The following FGD4 variants were observed in gnomAD, a reference collection of about 807,000 sequenced individuals.
FGD4 encodes FYVE, RhoGEF and PH domain-containing protein 4.
Under a neutral mutation model 102.0 loss-of-function variants are expected in FGD4, and 42 were observed. The ratio of observed to expected loss-of-function variants is 0.41; its 90% confidence interval spans 0.32 to 0.53. FGD4 has a LOEUF of 0.53. FGD4 is among the 20% of genes least tolerant of loss of function. FGD4 has a pLI of 0.21. For synonymous variants in FGD4, 380 were observed against 375.7 expected, an observed-to-expected ratio of 1.01 and a Z score of -0.13; for missense variants, 902 against 1,078.2, an observed-to-expected ratio of 0.84 and a Z score of 2.29.
chr12:32,520,584 C>T (rs896127263), intron 1 of FGD4, among the ~76,000 whole-genome samples: 3 of 151,864 alleles, frequency 2.0e-5, no homozygotes, highest in Admixed American at 1.3e-4. Context: ...GACAGGTGCC[C>T]ACCACCACGC....
At chr12:32,628,899 T>C (rs1419499733) in intron 14 of FGD4, among the ~76,000 whole-genome samples, 1 of 152,152 alleles carries the variant, frequency 6.6e-6, no homozygotes. Context: ...TGACATGAAG[T>C]GAATTCTACT....
At chr12:32,458,567 T>A (rs947889918) in intron 1 of FGD4, among the ~76,000 whole-genome samples, 2 of 152,168 alleles carry the variant, frequency 1.3e-5, no homozygotes, top group Non-Finnish European at 2.9e-5. Flanking sequence ...AGCTGGTAAA[T>A]CAATATTTTA....
intron 9 of FGD4, 77 bp from the exon 10 acceptor site, chr12:32,611,060 T>C: frequency 6.4e-7 from 1 of 1,550,996 alleles, no homozygotes; most frequent in Non-Finnish European, 8.9e-7. Flanking sequence ...ATTTAGATTT[T>C]AGTTAAGGTC....
At chr12:32,427,716 TAAGAAC>T (rs1240179120) in intron 1 of FGD4, among the ~76,000 whole-genome samples, 2 of 152,208 alleles carry the variant, frequency 1.3e-5, no homozygotes, top group Non-Finnish European at 2.9e-5. Flanking sequence ...TGTAGGTCGC[TAAGAAC>T]TTGCTTTATG....
At position 32,582,159 on chromosome 12, in the gene FGD4, A is replaced by C. The variant is rs1946666408; in HGVS notation, c.703A>C (p.Asn235His). The C allele has an allele frequency of 6.2e-7, 1 of 1,614,224 alleles. No individual in the cohort carries two copies. Among genetic ancestry groups the C allele is most frequent in the Middle Eastern group, 1.6e-4 (1 of 6,062 alleles). ...GGCCAACGGTGTAATGGCAGCACAA[A>C]ACCAGATGGAATGTGAGGAGGAGAA... is the stretch of plus-strand genomic sequence containing the variant. ...CVANGVMAAQ[N>H]QMECEEEKAA... The change falls in exon 4 of 17, where the codon AAC becomes CAC. Residue 235 changes from asparagine (N) to histidine (H), a missense_variant. By Grantham distance (68) the Asn-to-His change is moderately conservative (BLOSUM62 1). Coordinates refer to ENST00000534526, the MANE Select transcript of FGD4 (RefSeq NM_001370298.3).
At chr12:32,500,399 TTTA>T (rs1938118847) in intron 1 of FGD4, among the ~76,000 whole-genome samples, 1 of 44,880 alleles carries the variant, frequency 2.2e-5, no homozygotes, top group African/African-American at 1.2e-4. Context: ...TTATTTTTAT[TTTA>T]TTTTATTTTA....
intron 11 of FGD4, among the ~76,000 whole-genome samples, chr12:32,622,642 GAGTGCAAT>G (rs1949913340): frequency 1.3e-5 from 2 of 152,120 alleles, no homozygotes; most frequent in Non-Finnish European, 2.9e-5. Context: ...ACCCAGGCTG[GAGTGCAAT>G]AGCACGATCT....
At chr12:32,453,235 ATATTTTT>A (rs1315206941) in intron 1 of FGD4, among the ~76,000 whole-genome samples, 983 of 49,726 alleles carry the variant, frequency 0.02, 25 homozygotes, top group Middle Eastern at 0.029. Context: ...AGATATATAT[ATATTTTT>A]TTTTTTTTAA....
intron 1 of FGD4, among the ~76,000 whole-genome samples, chr12:32,466,867 CAAAAAAAAA>C (rs35375727): frequency 1.6e-5 from 1 of 62,788 alleles, no homozygotes; most frequent in South Asian, 6.1e-4. Context: ...GAGTCTGTCT[CAAAAAAAAA>C]AAAAAAAAAA....
intron 11 of FGD4, among the ~76,000 whole-genome samples, chr12:32,621,432 A>G (rs16920101): frequency 0.13 from 20,239 of 152,220 alleles, 1,446 homozygotes; most frequent in Middle Eastern, 0.26. Flanking sequence ...CCCAGAATCC[A>G]CGGAGACTCA....
At chr12:32,542,374 T>C (rs1174283193) in intron 1 of FGD4, among the ~76,000 whole-genome samples, 1 of 152,228 alleles carries the variant, frequency 6.6e-6, no homozygotes. Context: ...AAGAATTTGC[T>C]TATGAAAAGG....
intron 8 of FGD4, among the ~76,000 whole-genome samples, chr12:32,609,769 T>C (rs184915394): frequency 1.5e-4 from 23 of 151,986 alleles, no homozygotes; most frequent in Non-Finnish European, 1.8e-4. Flanking sequence ...AGACAAAAAA[T>C]GTAGTTGAAA....
intron 10 of FGD4, among the ~76,000 whole-genome samples, chr12:32,612,746 A>G (rs1251136272): frequency 6.6e-6 from 1 of 152,164 alleles, no homozygotes; most frequent in Non-Finnish European, 1.5e-5. Context: ...AAATATATAT[A>G]AGCCTGGTTG....
chr12:32,534,300 G>A (rs1942047595), intron 1 of FGD4: 4 of 1,331,952 alleles, frequency 3.0e-6, no homozygotes, highest in Admixed American at 6.7e-5. Context: ...TGGGCAGTAA[G>A]TTCGAAGAAT....
intron 4 of FGD4, among the ~76,000 whole-genome samples, chr12:32,587,605 G>A (rs181868403): frequency 5.4e-4 from 82 of 152,096 alleles, no homozygotes; most frequent in African/African-American, 1.9e-3. Context: ...TGCCCAGGCT[G>A]GTCTTGAACT....
chr12:32,600,383 A>G, intron 5 of FGD4: 1 of 1,116,114 alleles, frequency 9.0e-7, no homozygotes, highest in Non-Finnish European at 1.2e-6. Flanking sequence ...CTAAGGACAT[A>G]ATTTTTTGTT....
At chr12:32,628,765 G>A (rs574476276) in intron 14 of FGD4, among the ~76,000 whole-genome samples, 46 of 152,204 alleles carry the variant, frequency 3.0e-4, no homozygotes, top group South Asian at 2.1e-4. Context: ...CAGCCTGGGC[G>A]ACAGAGCAAG....
intron 1 of FGD4, among the ~76,000 whole-genome samples, chr12:32,414,578 C>G (rs971753783): frequency 6.6e-6 from 1 of 152,014 alleles, no homozygotes; most frequent in Non-Finnish European, 1.5e-5. Context: ...TCCCCTCCTC[C>G]CCAGCTGCAC....
chr12:32,546,968 T>A (rs534628069), intron 1 of FGD4, among the ~76,000 whole-genome samples: 3 of 152,326 alleles, frequency 2.0e-5, no homozygotes, highest in African/African-American at 4.8e-5. Context: ...TAAATTGATT[T>A]GTTTGATGCC....
Sources: allele counts gnomAD v4.1 joint callset (sites outside exome capture counted in the v4.1 genomes callset), GRCh38; gene constraint gnomAD v4.1.1; transcripts MANE v1.5; gene names NCBI Gene and HGNC (gene_info 2026-07-23, HGNC 2026-07-21).